DLG2: variants seen among roughly 807,000 people sequenced by gnomAD.
DLG2 encodes discs large MAGUK scaffold protein 2, also known as disks large homolog 2.
A neutral mutation model predicts 132.5 loss-of-function variants in DLG2; 45 were observed. That is an observed-to-expected ratio of 0.34 (90% CI 0.27 to 0.44). The LOEUF (loss-of-function observed/expected upper bound fraction) is 0.44, where lower values mean the gene tolerates loss of function less well. Among genes scored for constraint, DLG2 ranks in the 20% least tolerant of loss-of-function variants. The pLI is 1.00. For missense variants in DLG2, 1,045 were observed against 1,196.9 expected (o/e 0.87, Z 1.87); for synonymous variants, 424 against 419.6 (o/e 1.01, Z -0.13).
rs185645338 is a variant in DLG2 at position 84,129,621 on chromosome 11, T to C, written c.625-30574A>G. ...GAAAAGAAGTATATAGTTGCTTTTTTTGAGAACGTAAATTATGCACCACTA... is the reference window on the plus strand; with the variant it reads ...GAAAAGAAGTATATAGTTGCTTTTTCTGAGAACGTAAATTATGCACCACTA... On this transcript the variant is annotated intron_variant, in intron 9 of 27. Coordinates refer to ENST00000376104, the MANE Select transcript of DLG2 (RefSeq NM_001142699.3). Among the ~76,000 whole-genome samples the C allele has an allele frequency of 3.3e-5, 5 of 152,222 alleles. No individual in the cohort carries two copies. The East Asian group carries it at 7.7e-4, about 23-fold the overall frequency.
intron 6 of DLG2, among the ~76,000 whole-genome samples, chr11:84,967,613 A>C (rs779844266): frequency 9.2e-5 from 14 of 152,180 alleles, no homozygotes; most frequent in Non-Finnish European, 1.6e-4. Flanking sequence ...TTTTAAACTC[A>C]TGATGTGGCA....
At chr11:85,568,398 G>GTATT (rs1483510754) in intron 3 of DLG2, among the ~76,000 whole-genome samples, 1 of 152,032 alleles carries the variant, frequency 6.6e-6, no homozygotes, top group Non-Finnish European at 1.5e-5. Context: ...TTCTTGTACT[G>GTATT]TATTTGGCTT....
chr11:83,949,940 A>C (rs1015515503), intron 14 of DLG2, among the ~76,000 whole-genome samples: 1 of 152,226 alleles, frequency 6.6e-6, no homozygotes, highest in African/African-American at 2.4e-5. Context: ...TAAGTTTTAT[A>C]AGTTATAATT....
intron 11 of DLG2, among the ~76,000 whole-genome samples, chr11:83,995,686 C>T (rs1384977635): frequency 1.3e-5 from 2 of 152,146 alleles, no homozygotes; most frequent in African/African-American, 4.8e-5. Context: ...CTAGAATCAA[C>T]TCATTTTTGA....
At chr11:85,044,511 T>A (rs952622143) in intron 6 of DLG2, among the ~76,000 whole-genome samples, 9 of 152,012 alleles carry the variant, frequency 5.9e-5, no homozygotes, top group Non-Finnish European at 1.2e-4. Flanking sequence ...CTGAAAACTT[T>A]CAGGGGTCAG....
At chr11:85,429,187 T>C (rs2090991106) in intron 3 of DLG2, among the ~76,000 whole-genome samples, 1 of 152,202 alleles carries the variant, frequency 6.6e-6, no homozygotes, top group Non-Finnish European at 1.5e-5. Context: ...ACAGCCGAAT[T>C]CTACCAGAGG....
chr11:84,352,728 A>G (rs1480057707), intron 7 of DLG2, among the ~76,000 whole-genome samples: 2 of 152,220 alleles, frequency 1.3e-5, no homozygotes, highest in Non-Finnish European at 2.9e-5. Flanking sequence ...ATTCCCCGAA[A>G]TTCTGGGAAG....
intron 4 of DLG2, among the ~76,000 whole-genome samples, chr11:85,266,160 TG>T (rs1386011455): frequency 6.6e-6 from 1 of 152,216 alleles, no homozygotes; most frequent in East Asian, 1.9e-4. Context: ...CTTGGAGTCA[TG>T]GGCCCCCCAA....
At chr11:85,211,479 A>C (rs1029147195) in intron 4 of DLG2, among the ~76,000 whole-genome samples, 2 of 152,158 alleles carry the variant, frequency 1.3e-5, no homozygotes, top group Non-Finnish European at 2.9e-5. Context: ...TGTCTCAGCC[A>C]AGACCTCCTC....
intron 14 of DLG2, among the ~76,000 whole-genome samples, chr11:83,934,670 A>G (rs1284270326): frequency 1.3e-5 from 2 of 152,144 alleles, no homozygotes; most frequent in Non-Finnish European, 2.9e-5. Context: ...CTAACTCCCT[A>G]CCAAAGAGCT....
intron 15 of DLG2, among the ~76,000 whole-genome samples, chr11:83,921,725 T>G (rs1371651537): frequency 1.3e-5 from 2 of 152,206 alleles, no homozygotes; most frequent in African/African-American, 4.8e-5. Flanking sequence ...GTTTTCTTAT[T>G]GCTACCCAAT....
intron 7 of DLG2, among the ~76,000 whole-genome samples, chr11:84,253,438 C>T (rs1018868659): frequency 6.6e-6 from 1 of 152,132 alleles, no homozygotes; most frequent in East Asian, 1.9e-4. Flanking sequence ...GTAAACAGTA[C>T]ATTTCAGAAT....
intron 3 of DLG2, among the ~76,000 whole-genome samples, chr11:85,333,215 C>A (rs1169589181): frequency 6.6e-6 from 1 of 151,964 alleles, no homozygotes; most frequent in South Asian, 2.1e-4. Flanking sequence ...TGTAAATGGG[C>A]TTGTGTTCTT....
rs138714572 is a variant in DLG2, at chr11:85,125,884, G to C, written c.283-14149C>G. ...CAGTTCCTTTCCTTATGGAGTTTCT[G>C]TCTAGTCAAAAGAAAGACAAAATAA... On this transcript the variant is annotated intron_variant, in intron 5 of 27. Coordinates refer to ENST00000376104, the MANE Select transcript of DLG2 (RefSeq NM_001142699.3). Among the ~76,000 whole-genome samples, 638 of 151,716 alleles carry C rather than the reference G, an allele frequency of 4.2e-3. 2 individuals carry two copies. Among genetic ancestry groups the C allele is most frequent in the Non-Finnish European group, 6.9e-3 (469 of 67,930 alleles).
chr11:84,093,129 T>C (rs1346959539), intron 10 of DLG2, among the ~76,000 whole-genome samples: 2 of 152,126 alleles, frequency 1.3e-5, no homozygotes, highest in South Asian at 2.1e-4. Flanking sequence ...TAGCTCACTA[T>C]TGGTGTATGT....
At chr11:85,416,692 C>A (rs80021028) in intron 3 of DLG2, among the ~76,000 whole-genome samples, 1 of 152,110 alleles carries the variant, frequency 6.6e-6, no homozygotes, top group African/African-American at 2.4e-5. Context: ...GGATTTTATT[C>A]TCTTTGTGGC....
chr11:85,019,693 C>T (rs749269982), intron 6 of DLG2, among the ~76,000 whole-genome samples: 1 of 152,064 alleles, frequency 6.6e-6, no homozygotes, highest in Non-Finnish European at 1.5e-5. Context: ...TGTTCAATTC[C>T]CACCTATGAG....
intron 6 of DLG2, among the ~76,000 whole-genome samples, chr11:84,703,857 G>GATAGATATATATATATATATATATAT (rs2059456123): frequency 9.7e-6 from 1 of 102,714 alleles, no homozygotes; most frequent in South Asian, 3.5e-4. Flanking sequence ...ATGTAGTGAA[G>GATAGATATATATATATATATATATAT]ATATATATAT....
At chr11:85,354,851 C>T (rs1231004028) in intron 3 of DLG2, among the ~76,000 whole-genome samples, 1 of 151,464 alleles carries the variant, frequency 6.6e-6, no homozygotes, top group Non-Finnish European at 1.5e-5. Context: ...TCACATATAT[C>T]TTAGAACAGA....
Sources: allele counts gnomAD v4.1 joint callset (sites outside exome capture counted in the v4.1 genomes callset), GRCh38; gene constraint gnomAD v4.1.1; transcripts MANE v1.5; gene names NCBI Gene and HGNC (gene_info 2026-07-23, HGNC 2026-07-21).